The following LRMDA variants were observed in gnomAD, a reference collection of about 807,000 sequenced individuals.
The protein encoded by LRMDA is leucine rich melanocyte differentiation associated.
LRMDA carries 18 observed loss-of-function variants against 29.8 expected under a neutral mutation model. That is an observed-to-expected ratio of 0.60 (90% CI 0.42 to 0.90). LRMDA has a LOEUF of 0.90. Among genes scored for constraint, LRMDA ranks in the 40% least tolerant of loss-of-function variants. The pLI, the probability that LRMDA is intolerant of heterozygous loss-of-function variation, is 0.00. For synonymous variants in LRMDA, 125 were observed against 109.4 expected (o/e 1.14, Z -0.89); for missense variants, 273 against 273.9 (o/e 1.00, Z 0.02).
intron 2 of LRMDA, among the ~76,000 whole-genome samples, chr10:75,838,375 CA>C (rs1219268276): frequency 2.0e-5 from 3 of 152,168 alleles, no homozygotes; most frequent in African/African-American, 4.8e-5. Context: ...ATATAGGGAA[CA>C]TTTTTTTTCT....
At chr10:75,607,324 C>G (rs187345354) in intron 2 of LRMDA, among the ~76,000 whole-genome samples, 2 of 152,274 alleles carry the variant, frequency 1.3e-5, no homozygotes, top group Admixed American at 6.5e-5. Context: ...CTTCAAATTT[C>G]TAGTCTGTTA....
intron 2 of LRMDA, among the ~76,000 whole-genome samples, chr10:76,029,917 A>G (rs778933961): frequency 3.9e-5 from 6 of 152,124 alleles, no homozygotes; most frequent in Non-Finnish European, 7.3e-5. Flanking sequence ...TTGTTTAGCA[A>G]TGAGGTCTCG....
intron 5 of LRMDA, among the ~76,000 whole-genome samples, chr10:76,135,246 T>C (rs776788945): frequency 4.0e-4 from 61 of 152,210 alleles, no homozygotes; most frequent in Non-Finnish European, 7.5e-4. Context: ...TCATCCATAG[T>C]GCGTCTCTGT....
At chr10:76,293,614 C>A (rs771902410) in intron 5 of LRMDA, among the ~76,000 whole-genome samples, 11 of 152,138 alleles carry the variant, frequency 7.2e-5, no homozygotes, top group Non-Finnish European at 1.6e-4. Flanking sequence ...TCTTTAAGTT[C>A]AAGCCTTAGG....
intron 2 of LRMDA, among the ~76,000 whole-genome samples, chr10:75,835,048 A>G (rs1844409819): frequency 6.6e-6 from 1 of 152,258 alleles, no homozygotes; most frequent in Non-Finnish European, 1.5e-5. Context: ...TTATAAGTGT[A>G]AAATCTGTAT....
intron 5 of LRMDA, among the ~76,000 whole-genome samples, chr10:76,147,287 C>G (rs201457684): frequency 0.12 from 17,602 of 152,096 alleles, 1,147 homozygotes; most frequent in East Asian, 0.24. Flanking sequence ...TGTTTTCCAA[C>G]TTGGTTCCAT....
rs143048955 is a variant in LRMDA, at chr10:76,541,919, T to A, written c.602-15290T>A. On this transcript the variant is annotated intron_variant, in intron 6 of 6. Transcript: ENST00000611255. ...GTAAATGCTCAATTCCTAAGGATAG[T>A]GTTTCAGGGCAAGTTGAGTGTAATT... Among the ~76,000 whole-genome samples the A allele has an allele frequency of 1.7e-3, 265 of 152,312 alleles. 1 individual carries two copies. Among genetic ancestry groups the A allele is most frequent in the African/African-American group, 6.0e-3 (250 of 41,566 alleles).
At chr10:76,473,550 G>A (rs1842638848) in intron 6 of LRMDA, among the ~76,000 whole-genome samples, 1 of 151,072 alleles carries the variant, frequency 6.6e-6, no homozygotes, top group Admixed American at 6.6e-5. Context: ...ACTGGATGCA[G>A]ATTGGAAAGA....
At chr10:76,262,435 T>C (rs1247473) in intron 5 of LRMDA, among the ~76,000 whole-genome samples, 151,241 of 152,306 alleles carry the variant, frequency 0.99, 75,095 homozygotes, top group Middle Eastern at 1. Flanking sequence ...ATGGAAAGTA[T>C]AGTCACTTGG....
intron 5 of LRMDA, among the ~76,000 whole-genome samples, chr10:76,159,699 A>C (rs1313248437): frequency 6.6e-6 from 1 of 152,206 alleles, no homozygotes; most frequent in Non-Finnish European, 1.5e-5. Flanking sequence ...GCTATTCAAC[A>C]CTAAAAAGAC....
At position 75,447,421 on chromosome 10, in the gene LRMDA, G is replaced by A. The variant is rs1844408031; in HGVS notation, c.131+8927G>A. On this transcript the variant is annotated intron_variant, in intron 2 of 6. Coordinates refer to ENST00000611255, the MANE Select transcript of LRMDA (RefSeq NM_001305581.2). ...GGTGCTTATAATCCTAGCTACTCAG[G>A]AGGCTGAGGCAGGAGAATTCCTTGA... Among the ~76,000 whole-genome samples the A allele has an allele frequency of 2.6e-5, 4 of 152,098 alleles. No homozygotes were observed. In the South Asian group the frequency reaches 6.2e-4, roughly 24 times the overall value.
chr10:76,333,183 G>A (rs1840925060), intron 6 of LRMDA, among the ~76,000 whole-genome samples: 1 of 152,184 alleles, frequency 6.6e-6, no homozygotes, highest in African/African-American at 2.4e-5. Context: ...AAGGGACCCT[G>A]TTTTGAAAAG....
intron 2 of LRMDA, among the ~76,000 whole-genome samples, chr10:75,554,078 G>T (rs1273422584): frequency 1.3e-5 from 2 of 152,146 alleles, no homozygotes; most frequent in Non-Finnish European, 2.9e-5. Flanking sequence ...TTCTTGGAGG[G>T]ACTAGTCACA....
intron 6 of LRMDA, among the ~76,000 whole-genome samples, chr10:76,333,146 A>G (rs2579776): frequency 0.79 from 119,587 of 152,138 alleles, 48,157 homozygotes; most frequent in Non-Finnish European, 0.86. Context: ...AAGCACAAGG[A>G]CAAGAACAGG....
At chr10:76,068,337 T>A (rs1848819439) in intron 5 of LRMDA, among the ~76,000 whole-genome samples, 1 of 152,148 alleles carries the variant, frequency 6.6e-6, no homozygotes, top group Non-Finnish European at 1.5e-5. Context: ...GAAGATAAAG[T>A]AGTAAGATAA....
chr10:75,760,406 C>A (rs1289679436), intron 2 of LRMDA, among the ~76,000 whole-genome samples: 1 of 152,116 alleles, frequency 6.6e-6, no homozygotes, highest in Non-Finnish European at 1.5e-5. Flanking sequence ...TTGAGAGTGG[C>A]TGGAAAGGGC....
chr10:76,545,131 G>GTGTA (rs999041847), intron 6 of LRMDA, among the ~76,000 whole-genome samples: 51 of 151,548 alleles, frequency 3.4e-4, no homozygotes, highest in African/African-American at 1.2e-3. Context: ...GTTGTTACAG[G>GTGTA]GTCTGCTTAA....
intron 6 of LRMDA, among the ~76,000 whole-genome samples, chr10:76,536,690 T>A (rs935223166): frequency 1.3e-5 from 2 of 152,168 alleles, no homozygotes; most frequent in African/African-American, 4.8e-5. Flanking sequence ...TGCATCATGT[T>A]ATGAGGCACG....
At chr10:76,079,941 G>A (rs910058134) in intron 5 of LRMDA, among the ~76,000 whole-genome samples, 6 of 152,116 alleles carry the variant, frequency 3.9e-5, no homozygotes, top group African/African-American at 1.2e-4. Context: ...TGGGGTATCC[G>A]TGGTCATTTG....
Sources: gnomAD v4.1 joint callset for allele counts (sites outside exome capture counted in the v4.1 genomes callset) on GRCh38, gnomAD v4.1.1 for gene constraint, MANE v1.5 for transcripts, NCBI Gene and HGNC (gene_info 2026-07-23, HGNC 2026-07-21) for gene names.